Variants in PKNOX2 observed in about 807,000 individuals in gnomAD.
The protein encoded by PKNOX2 is homeobox protein PKNOX2.
In PKNOX2, 14 loss-of-function variants were observed where a neutral mutation model predicts 53.1. That is an observed-to-expected ratio of 0.26 (90% CI 0.17 to 0.41). The LOEUF (loss-of-function observed/expected upper bound fraction) is 0.41. Ranked by LOEUF, PKNOX2 falls within the 10% of genes least tolerant of loss-of-function variation. The pLI, the probability that PKNOX2 is intolerant of heterozygous loss-of-function variation, is 1.00. For missense variants in PKNOX2, 496 were observed against 602.8 expected (o/e 0.82, Z 1.85); for synonymous variants, 257 against 242.8 (o/e 1.06, Z -0.54).
chr11:125,372,882 T>C (rs1952631825), intron 5 of PKNOX2, among the ~76,000 whole-genome samples: 1 of 152,230 alleles, frequency 6.6e-6, no homozygotes, highest in Admixed American at 6.5e-5. Flanking sequence ...AGAGAGCTCA[T>C]GCTCAAGTCC....
chr11:125,185,972 C>T lies in PKNOX2; in HGVS notation c.-201+21196C>T, dbSNP rs530445738. ...ACCAAACTGTTTTCCACAACAGCTG[C>T]ACTATTTTACATTCCCACCAGCAAT... On this transcript the variant is annotated intron_variant, in intron 1 of 12. Transcript: ENST00000298282. Among the ~76,000 whole-genome samples the T allele has an allele frequency of 2.6e-5, 4 of 152,236 alleles. No homozygotes were observed. The South Asian group carries it at 8.3e-4, about 32-fold the overall frequency.
intron 10 of PKNOX2, among the ~76,000 whole-genome samples, chr11:125,427,771 A>G (rs1050315825): frequency 6.6e-6 from 1 of 152,128 alleles, no homozygotes; most frequent in Admixed American, 6.5e-5. Flanking sequence ...TTCTGCCATA[A>G]GAGCCCCCAA....
At chr11:125,410,919 A>G (rs1955471242) in intron 9 of PKNOX2, 43 bp downstream of exon 9, 2 of 1,540,426 alleles carry the variant, frequency 1.3e-6, no homozygotes, top group African/African-American at 1.4e-5. Flanking sequence ...GGTGTGGGCT[A>G]GGGCACCTGT....
intron 3 of PKNOX2, among the ~76,000 whole-genome samples, chr11:125,341,917 C>A (rs187557024): frequency 1.7e-3 from 254 of 149,868 alleles, no homozygotes; most frequent in African/African-American, 6.3e-3. Flanking sequence ...AGTGTACCCG[C>A]CCTCCTTCCA....
At chr11:125,376,354 C>T (rs1288486782) in intron 5 of PKNOX2, among the ~76,000 whole-genome samples, 5 of 152,222 alleles carry the variant, frequency 3.3e-5, no homozygotes, top group Admixed American at 2.6e-4. Flanking sequence ...AGTAAAAATA[C>T]ATCCAACCAG....
At chr11:125,416,553 A>G (rs1591565248) in intron 10 of PKNOX2, among the ~76,000 whole-genome samples, 2 of 152,016 alleles carry the variant, frequency 1.3e-5, no homozygotes, top group East Asian at 3.8e-4. Context: ...GTTAAATTAC[A>G]GAAACGTACA....
intron 2 of PKNOX2, among the ~76,000 whole-genome samples, chr11:125,328,079 C>T (rs574371407): frequency 5.5e-4 from 84 of 152,114 alleles, no homozygotes; most frequent in Non-Finnish European, 1.0e-3. Context: ...GGCAGGATGT[C>T]GAAGGGAGCC....
chr11:125,384,974 G>A lies in PKNOX2; in HGVS notation c.228-577G>A, dbSNP rs375429705. On this transcript the variant is annotated intron_variant, in intron 5 of 12. Coordinates refer to ENST00000298282, the MANE Select transcript of PKNOX2 (RefSeq NM_001382323.2). ...TTGTGTGATGACCTAACACACTGGG[G>A]TATCTGACCTAAACTGAGTCTACCA... Among the ~76,000 whole-genome samples, 11 of 152,266 alleles carry A rather than the reference G, an allele frequency of 7.2e-5. No individual in the cohort carries two copies. In the East Asian group the frequency reaches 1.2e-3, roughly 16 times the overall value.
At chr11:125,222,664 G>GTGTGTGCTGTGTA (rs1565472890) in intron 1 of PKNOX2, among the ~76,000 whole-genome samples, 3 of 113,884 alleles carry the variant, frequency 2.6e-5, no homozygotes, top group African/African-American at 8.3e-5. Flanking sequence ...TGCTGTGTAT[G>GTGTGTGCTGTGTA]TGTGTGTGTA....
intron 4 of PKNOX2, among the ~76,000 whole-genome samples, chr11:125,355,250 G>A (rs537622995): frequency 5.7e-4 from 81 of 141,154 alleles, no homozygotes; most frequent in Non-Finnish European, 9.5e-4. Flanking sequence ...CTGAGTGACA[G>A]AGTGAGACTC....
At chr11:125,414,588 C>T (rs566686889) in intron 10 of PKNOX2, among the ~76,000 whole-genome samples, 57 of 152,276 alleles carry the variant, frequency 3.7e-4, no homozygotes, top group African/African-American at 1.4e-3. Flanking sequence ...CACATGTGGA[C>T]ACACCCTCCC....
At chr11:125,386,078 G>A (rs566906238) in intron 6 of PKNOX2, among the ~76,000 whole-genome samples, 2 of 152,194 alleles carry the variant, frequency 1.3e-5, no homozygotes, top group Non-Finnish European at 2.9e-5. Flanking sequence ...TAGCAAATCT[G>A]TCTTGGGCTG....
At chr11:125,417,020 C>T (rs1229659751) in intron 10 of PKNOX2, among the ~76,000 whole-genome samples, 4 of 151,994 alleles carry the variant, frequency 2.6e-5, no homozygotes, top group Admixed American at 6.5e-5. Context: ...GTTAGCTGCT[C>T]GCCTCTGAGT....
At chr11:125,322,715 C>T (rs1026144719) in intron 2 of PKNOX2, among the ~76,000 whole-genome samples, 7 of 152,166 alleles carry the variant, frequency 4.6e-5, no homozygotes, top group African/African-American at 1.7e-4. Context: ...CCCTGTGTCC[C>T]CCAGATCCCC....
At chr11:125,382,955 C>G (rs893938130) in intron 5 of PKNOX2, among the ~76,000 whole-genome samples, 2 of 152,128 alleles carry the variant, frequency 1.3e-5, no homozygotes, top group Non-Finnish European at 2.9e-5. Context: ...GCAGACTGCA[C>G]ACCGAGTCTG....
chr11:125,318,962 C>A (rs1222240563), intron 2 of PKNOX2, among the ~76,000 whole-genome samples: 1 of 152,198 alleles, frequency 6.6e-6, no homozygotes, highest in African/African-American at 2.4e-5. Flanking sequence ...TTTCCTGAGG[C>A]CTCCCCAGTC....
chr11:125,286,646 C>T (rs564478293), intron 2 of PKNOX2, among the ~76,000 whole-genome samples: 22 of 152,236 alleles, frequency 1.4e-4, no homozygotes, highest in Non-Finnish European at 2.8e-4. Context: ...CCTCCTGGCC[C>T]CCAGCTGTGT....
At chr11:125,335,377 C>T (rs934835434) in intron 3 of PKNOX2, among the ~76,000 whole-genome samples, 1 of 152,204 alleles carries the variant, frequency 6.6e-6, no homozygotes. Flanking sequence ...CTTTTATTGG[C>T]CACTGCCCCT....
chr11:125,275,334 C>G (rs1946083751), intron 2 of PKNOX2, among the ~76,000 whole-genome samples: 1 of 152,078 alleles, frequency 6.6e-6, no homozygotes, highest in African/African-American at 2.4e-5. Flanking sequence ...TGGGGTGGAC[C>G]TGAGCCAGTG....
Sources: gnomAD v4.1 joint callset for allele counts (sites outside exome capture counted in the v4.1 genomes callset) on GRCh38, gnomAD v4.1.1 for gene constraint, MANE v1.5 for transcripts, NCBI Gene and HGNC (gene_info 2026-07-23, HGNC 2026-07-21) for gene names.